Variants in PDZD2 observed in about 807,000 individuals in gnomAD.
PDZD2 encodes PDZ domain-containing protein 2.
PDZD2 carries 90 observed loss-of-function variants against 220.7 expected under a neutral mutation model. That is an observed-to-expected ratio of 0.41 (90% CI 0.34 to 0.49). PDZD2 has a LOEUF of 0.49. Among genes scored for constraint, PDZD2 ranks in the 20% least tolerant of loss-of-function variants. The probability of loss-of-function intolerance (pLI) is 0.28; values close to 1 mark genes in which losing one functional copy is unlikely to be tolerated. For missense variants in PDZD2, 3,174 were observed against 3,608.5 expected, an observed-to-expected ratio of 0.88 and a Z score of 3.08; for synonymous variants, 1,375 against 1,450.5, an observed-to-expected ratio of 0.95 and a Z score of 1.18.
chr5:31,725,855 C>G, intron 1 of PDZD2: 1 of 781,738 alleles, frequency 1.3e-6, no homozygotes, highest in Non-Finnish European at 2.3e-6. Context: ...GCTTCTGCTA[C>G]GCCGTGGTCT....
intron 1 of PDZD2, among the ~76,000 whole-genome samples, chr5:31,692,296 C>G (rs528320403): frequency 3.9e-5 from 6 of 152,214 alleles, no homozygotes; most frequent in Non-Finnish European, 8.8e-5. Flanking sequence ...TCGGAACTTG[C>G]GCTGGCCCGC....
Position 31,646,381 on chromosome 5 carries a change from AC to A in PDZD2, c.-361+6948del, listed in dbSNP as rs143270395. Among the ~76,000 whole-genome samples the A allele has an allele frequency of 1.3e-5, 2 of 151,926 alleles. No individual in the cohort carries two copies. The highest frequency in any genetic ancestry group is 4.8e-5 in the African/African-American group (2 of 41,318). ...CACCACAAATGTCTTCAGGAACCTGACCCCTCCACGTCATGAACACTAAGTA... is the reference window on the plus strand; with the variant it reads ...CACCACAAATGTCTTCAGGAACCTGACCCTCCACGTCATGAACACTAAGTA... On this transcript the variant is annotated intron_variant, in intron 1 of 24. Transcript: ENST00000438447. The surrounding 1 kb of genome is among the most constrained non-coding windows in gnomAD (Gnocchi z 4.7).
chr5:32,008,260 T>C (rs1387095517), intron 5 of PDZD2, among the ~76,000 whole-genome samples: 2 of 151,254 alleles, frequency 1.3e-5, no homozygotes, highest in Non-Finnish European at 2.9e-5. Flanking sequence ...ACATTTTGAT[T>C]CAACAATCTA....
chr5:31,769,704 C>T (rs1437647805), intron 1 of PDZD2, among the ~76,000 whole-genome samples: 1 of 152,130 alleles, frequency 6.6e-6, no homozygotes, highest in African/African-American at 2.4e-5. Flanking sequence ...TTGGAAGTGC[C>T]TGAGTGGGTT....
intron 1 of PDZD2, among the ~76,000 whole-genome samples, chr5:31,704,730 A>G (rs949450792): frequency 6.6e-6 from 1 of 152,252 alleles, no homozygotes; most frequent in Non-Finnish European, 1.5e-5. Context: ...TTTTACATGC[A>G]GAACTCCCCT....
intron 4 of PDZD2, among the ~76,000 whole-genome samples, chr5:31,997,316 C>A (rs1751712697): frequency 6.6e-6 from 1 of 152,148 alleles, no homozygotes; most frequent in Admixed American, 6.6e-5. Context: ...TGGAGATAGT[C>A]TGAAGAATGG....
At chr5:31,988,404 C>A (rs1167972744) in intron 3 of PDZD2, among the ~76,000 whole-genome samples, 1 of 149,552 alleles carries the variant, frequency 6.7e-6, no homozygotes, top group Non-Finnish European at 1.5e-5. Context: ...CCAGAGGGTT[C>A]CCAGCACAGG....
At position 32,089,560 on chromosome 5, in the gene PDZD2, C is replaced by A. The variant is rs763041714; in HGVS notation, c.6112C>A (p.Pro2038Thr). 9 of 1,612,278 alleles carry A rather than the reference C, an allele frequency of 5.6e-6. No homozygotes were observed. The highest frequency in any genetic ancestry group is 7.6e-6 in the Non-Finnish European group (9 of 1,180,026). ...APRADSGPVS[P>T]AASRNGMSVA... is the part of the protein sequence containing the mutation. ...CCGTGCTGACTCCGGGCCGGTGAGT[C>A]CGGCAGCGTCTAGGAACGGCATGTC... Residue 2038 changes from proline to threonine, a missense_variant, in exon 20 of 25, where the codon CCG becomes ACG. Physicochemically the swap from Pro to Thr is conservative, Grantham distance 38. Around this residue, in one of 4 missense-constraint regions of PDZD2, gnomAD observed 1,861 missense variants for 2,001.0 expected, o/e 0.93. Coordinates refer to ENST00000438447, the MANE Select transcript of PDZD2 (RefSeq NM_178140.4).
intron 2 of PDZD2, among the ~76,000 whole-genome samples, chr5:31,929,030 C>T (rs898162643): frequency 6.6e-6 from 1 of 152,112 alleles, no homozygotes; most frequent in African/African-American, 2.4e-5. Context: ...AATATTGATC[C>T]ATACTTGCAA....
chr5:31,962,787 G>A (rs1012653709), intron 2 of PDZD2, among the ~76,000 whole-genome samples: 1 of 152,096 alleles, frequency 6.6e-6, no homozygotes, highest in Non-Finnish European at 1.5e-5. Context: ...TCTTATCAAG[G>A]TTTCCTCCCT....
In PDZD2 at chr5:31,955,948, C is replaced by G. The variant is rs143758730; in HGVS notation, c.477-27207C>G. Among the ~76,000 whole-genome samples, 84 of 151,810 alleles carry G rather than the reference C, an allele frequency of 5.5e-4. 1 individual carries two copies. Among genetic ancestry groups the G allele is most frequent in the African/African-American group, 1.9e-3 (79 of 41,376 alleles). On this transcript the variant is annotated intron_variant, in intron 2 of 24. Transcript: ENST00000438447. ...ATTTGTGAGTTTTTCCATTTTCTTC[C>G]TATTATTTGTAGTTTTATACCATTG...
intron 4 of PDZD2, among the ~76,000 whole-genome samples, chr5:31,999,677 C>T (rs1315931023): frequency 6.6e-6 from 1 of 152,104 alleles, no homozygotes; most frequent in East Asian, 1.9e-4. Context: ...AGGGTCACAT[C>T]CCTGGGAAGA....
intron 3 of PDZD2, among the ~76,000 whole-genome samples, chr5:31,993,893 G>C (rs532132342): frequency 1.5e-3 from 231 of 152,324 alleles, no homozygotes; most frequent in Middle Eastern, 3.4e-3. Flanking sequence ...TTTGCAGTGA[G>C]CATATGTGTG....
chr5:31,874,332 G>A (rs1739104872), intron 2 of PDZD2, among the ~76,000 whole-genome samples: 1 of 152,172 alleles, frequency 6.6e-6, no homozygotes, highest in Non-Finnish European at 1.5e-5. Context: ...GGTGAGATCA[G>A]TAACCATTTA....
intron 1 of PDZD2, among the ~76,000 whole-genome samples, chr5:31,740,278 T>C (rs1036636190): frequency 2.6e-5 from 4 of 151,838 alleles, no homozygotes; most frequent in African/African-American, 7.3e-5. Flanking sequence ...CCCAGCACTT[T>C]GGGAGGCCGA....
chr5:31,932,116 A>T (rs1327955955), intron 2 of PDZD2, among the ~76,000 whole-genome samples: 1 of 152,066 alleles, frequency 6.6e-6, no homozygotes, highest in Admixed American at 6.5e-5. Flanking sequence ...TGACTGGGGG[A>T]TGGGAAAAGG....
intron 2 of PDZD2, among the ~76,000 whole-genome samples, chr5:31,978,206 CCTT>C (rs1382493231): frequency 2.0e-5 from 3 of 152,058 alleles, no homozygotes; most frequent in African/African-American, 4.8e-5. Context: ...GGAGAGGAAG[CCTT>C]CTGTTTTTCT....
intron 2 of PDZD2, among the ~76,000 whole-genome samples, chr5:31,878,414 T>A (rs1444333963): frequency 6.6e-6 from 1 of 152,058 alleles, no homozygotes. Context: ...CAGAAGAACA[T>A]AGACAAGCCC....
At chr5:32,037,433 C>A in intron 7 of PDZD2, 91 bp downstream of exon 7, 1 of 732,872 alleles carries the variant, frequency 1.4e-6, no homozygotes, top group East Asian at 2.5e-5. Flanking sequence ...GATGAGCTCC[C>A]GTCTTCCTTA....
Sources: allele counts gnomAD v4.1 joint callset (sites outside exome capture counted in the v4.1 genomes callset), GRCh38; gene constraint gnomAD v4.1.1; regional missense constraint gnomAD v4.1.1; non-coding constraint Gnocchi (gnomAD v3.1); transcripts MANE v1.5; gene names NCBI Gene and HGNC (gene_info 2026-07-23, HGNC 2026-07-21).